Variants in MYO9B observed in about 807,000 individuals in gnomAD.
MYO9B encodes the protein myosin IXB.
Under a neutral mutation model 229.5 loss-of-function variants are expected in MYO9B, and 71 were observed. That is an observed-to-expected ratio of 0.31 (90% CI 0.26 to 0.38). MYO9B has a LOEUF of 0.38. Ranked by LOEUF, MYO9B falls within the 10% of genes least tolerant of loss-of-function variation. The probability of loss-of-function intolerance (pLI) is 1.00; values close to 1 mark genes in which losing one functional copy is unlikely to be tolerated. For synonymous variants in MYO9B, 1,185 were observed against 1,235.8 expected, an observed-to-expected ratio of 0.96 and a Z score of 0.86; for missense variants, 2,255 against 2,920.5, an observed-to-expected ratio of 0.77 and a Z score of 5.25.
Position 17,140,582 on chromosome 19 carries a change from G to A in MYO9B, c.841-4815G>A, listed in dbSNP as rs528771270. Among the ~76,000 whole-genome samples, 149 of 151,778 alleles carry A rather than the reference G, an allele frequency of 9.8e-4. 1 individual carries two copies. Among genetic ancestry groups the A allele is most frequent in the African/African-American group, 3.4e-3 (141 of 41,458 alleles). On this transcript the variant is annotated intron_variant, in intron 2 of 39. Coordinates refer to ENST00000682292, the MANE Select transcript of MYO9B (RefSeq NM_004145.4). The stretch of plus-strand genomic sequence containing the variant: ...CGGCTCACCGCAACCTCCGCCTCCC[G>A]GGTTCAAGCGCTTCTCCTGCCTCAG...
At chr19:17,134,772 G>T (rs994821668) in intron 2 of MYO9B, among the ~76,000 whole-genome samples, 7 of 151,234 alleles carry the variant, frequency 4.6e-5, no homozygotes, top group Non-Finnish European at 8.9e-5. Context: ...GGGGTTTTTT[G>T]TTTTTTTTCG....
At chr19:17,142,318 G>C (rs547976723) in intron 2 of MYO9B, among the ~76,000 whole-genome samples, 1 of 152,258 alleles carries the variant, frequency 6.6e-6, no homozygotes, top group East Asian at 1.9e-4. Context: ...GGGAAATGGG[G>C]AGGGACTGCT....
chr19:17,088,069 C>T (rs1381328784), intron 1 of MYO9B, among the ~76,000 whole-genome samples: 2 of 152,170 alleles, frequency 1.3e-5, no homozygotes, highest in East Asian at 3.9e-4. Context: ...CACCGCACTC[C>T]AGCCTGGGCA....
Position 17,172,810 on chromosome 19 carries a change from C to T in MYO9B, c.1987C>T (p.Leu663=). The change falls in exon 13 of 40, where the codon CTG becomes TTG. Residue 663 remains leucine, a synonymous_variant. Transcript: ENST00000682292. This position sits in a 1 kb window ranked among gnomAD's most constrained non-coding sequence, Gnocchi z 8.2. ...CATGCGGCCAGACATCGTGGCCCTGCTGCGGGGCAGTGACAGCTCCTACGT... is the reference window on the plus strand; with the variant it reads ...CATGCGGCCAGACATCGTGGCCCTGTTGCGGGGCAGTGACAGCTCCTACGT... ...DYMRPDIVAL[L]RGSDSSYVRE... is the part of the protein sequence containing the mutation. 1.2e-6 allele frequency: 2 copies of T among 1,613,188 alleles called. No homozygotes were observed. Among genetic ancestry groups the T allele is most frequent in the Middle Eastern group, 1.6e-4 (1 of 6,062 alleles).
intron 2 of MYO9B, among the ~76,000 whole-genome samples, chr19:17,144,002 A>G (rs2072376002): frequency 6.6e-6 from 1 of 152,150 alleles, no homozygotes; most frequent in African/African-American, 2.4e-5. Context: ...CTGTACAGCA[A>G]ATCCCTGTGA....
intron 19 of MYO9B, among the ~76,000 whole-genome samples, chr19:17,188,896 C>T (rs983213056): frequency 6.6e-6 from 1 of 151,586 alleles, no homozygotes; most frequent in Non-Finnish European, 1.5e-5. Flanking sequence ...ACCTATAATT[C>T]CAGCATTTTG....
intron 2 of MYO9B, among the ~76,000 whole-genome samples, chr19:17,141,505 C>G (rs1390158249): frequency 6.6e-6 from 1 of 152,214 alleles, no homozygotes; most frequent in East Asian, 1.9e-4. Context: ...AGGACCAGCT[C>G]TGCTGCCTCT....
rs558451167 is a variant in MYO9B at position 17,117,432 on chromosome 19, G to A, written c.840+14875G>A. On this transcript the variant is annotated intron_variant, in intron 2 of 39. Transcript: ENST00000682292. ...ACCCCATTCCCGGGAGTGCCCAGAG[G>A]CAGCTTGGCATCTTCTGCCCAGCTG... Among the ~76,000 whole-genome samples the A allele has an allele frequency of 2.3e-4, 35 of 152,246 alleles. No homozygotes were observed. The Middle Eastern group carries it at 0.017, about 74-fold the overall frequency.
chr19:17,187,791 C>T, intron 18 of MYO9B, 144 bp from the exon 19 acceptor site: 1 of 668,102 alleles, frequency 1.5e-6, no homozygotes, highest in Non-Finnish European at 2.6e-6. Flanking sequence ...GCACCCTGAC[C>T]ATGTCTGTGT....
At chr19:17,160,069 T>A (rs2072581376) in intron 8 of MYO9B, among the ~76,000 whole-genome samples, 1 of 152,186 alleles carries the variant, frequency 6.6e-6, no homozygotes, top group Admixed American at 6.5e-5. Context: ...CCTGGATGTT[T>A]TCTCTGTGCT....
chr19:17,197,451 C>A (rs200374485), intron 22 of MYO9B, among the ~76,000 whole-genome samples: 6 of 123,822 alleles, frequency 4.8e-5, no homozygotes, highest in Admixed American at 4.6e-4. Flanking sequence ...TAGATAGATA[C>A]ATAGATAGAT....
intron 1 of MYO9B, among the ~76,000 whole-genome samples, chr19:17,093,473 C>T (rs926508659): frequency 3.9e-5 from 6 of 152,164 alleles, no homozygotes; most frequent in African/African-American, 1.2e-4. Flanking sequence ...ACTCTCGTGG[C>T]GTCCTGGGAC....
intron 2 of MYO9B, among the ~76,000 whole-genome samples, chr19:17,137,331 G>T (rs1480611563): frequency 2.6e-5 from 4 of 151,924 alleles, no homozygotes; most frequent in African/African-American, 7.3e-5. Context: ...TGAGGTTGAG[G>T]CTGCAGTGAG....
chr19:17,189,883 G>A (rs531665988), intron 19 of MYO9B, among the ~76,000 whole-genome samples: 91 of 152,014 alleles, frequency 6.0e-4, no homozygotes, highest in Non-Finnish European at 1.2e-3. Context: ...CTACCACGGT[G>A]AAACCCCGTC....
intron 11 of MYO9B, among the ~76,000 whole-genome samples, chr19:17,170,817 C>T: frequency 7.4e-6 from 1 of 135,366 alleles, no homozygotes; most frequent in African/African-American, 2.9e-5. Flanking sequence ...GAGCAAGACC[C>T]CAGCTCTAAA....
Position 17,172,654 on chromosome 19 carries a change from T to C in MYO9B, c.1936-105T>C. 3 of 1,488,486 alleles carry C rather than the reference T, an allele frequency of 2.0e-6. No individual in the cohort carries two copies. Among genetic ancestry groups the C allele is most frequent in the Middle Eastern group, 1.7e-4 (1 of 5,760 alleles). 92.2% of individuals were successfully genotyped at this position (1,488,486 alleles called of 1,614,324 possible). ...CAAGAACTGCCATTTGCACTTAGGA[T>C]GGGCCCCACCCCACCGTCAGCCCTT... is the stretch of plus-strand genomic sequence containing the variant. On this transcript the variant is annotated intron_variant, in intron 12 of 39. Transcript: ENST00000682292. The surrounding 1 kb of genome is among the most constrained non-coding windows in gnomAD (Gnocchi z 8.2).
intron 3 of MYO9B, among the ~76,000 whole-genome samples, chr19:17,151,951 G>C (rs1032958081): frequency 2.0e-5 from 3 of 152,098 alleles, no homozygotes; most frequent in African/African-American, 7.2e-5. Context: ...ATATTGGGAG[G>C]CTGAGGCAGG....
At position 17,206,947 on chromosome 19, in the gene MYO9B, C is replaced by T. The variant is rs535147812; in HGVS notation, c.5492+163C>T. Reference sequence around the variant, plus strand: ...GAGGGGGCCAGGCTGCTGGGCCGCCCGGGTCCCTTGAGGTACCTCTCTGTG... The same window carrying T: ...GAGGGGGCCAGGCTGCTGGGCCGCCTGGGTCCCTTGAGGTACCTCTCTGTG... On this transcript the variant is annotated intron_variant, in intron 34 of 39. Transcript: ENST00000682292. 2.4e-4 allele frequency: 307 copies of T among 1,273,322 alleles called. 4 individuals are homozygous for T. The South Asian group carries it at 3.6e-3, about 15-fold the overall frequency. 78.9% of individuals were successfully genotyped at this position (1,273,322 alleles called of 1,614,324 possible).
rs552014825 is a variant in MYO9B, at chr19:17,154,445, C to G, written c.1199+30C>G. On this transcript the variant is annotated intron_variant, in intron 6 of 39. Transcript: ENST00000682292. The stretch of plus-strand genomic sequence containing the variant: ...GTGTGCGGGCTCCCGGGGCCTGTCC[C>G]CCAGAGCCTACAGGGGGCACGCATG... 7 of 1,572,712 alleles carry G rather than the reference C, an allele frequency of 4.5e-6. No individual in the cohort carries two copies. The South Asian group carries it at 6.7e-5, about 15-fold the overall frequency.
Sources: gnomAD v4.1 joint callset for allele counts (sites outside exome capture counted in the v4.1 genomes callset) on GRCh38, gnomAD v4.1.1 for gene constraint, Gnocchi (gnomAD v3.1) non-coding constraint, MANE v1.5 for transcripts, NCBI Gene and HGNC (gene_info 2026-07-23, HGNC 2026-07-21) for gene names.